Variants in CDYL observed in about 807,000 individuals in gnomAD.
CDYL encodes chromodomain Y like.
A neutral mutation model predicts 47.3 loss-of-function variants in CDYL; 8 were observed. The ratio of observed to expected loss-of-function variants is 0.17; its 90% CI spans 0.10 to 0.31. The LOEUF (loss-of-function observed/expected upper bound fraction) is 0.31, where lower values mean the gene tolerates loss of function less well. CDYL is among the 10% of genes least tolerant of loss of function. The probability of loss-of-function intolerance (pLI) is 1.00; values close to 1 mark genes in which losing one functional copy is unlikely to be tolerated. For missense variants in CDYL, 471 were observed against 701.4 expected (o/e 0.67, Z 3.71); for synonymous variants, 266 against 265.0 (o/e 1.00, Z -0.04).
chr6:4,881,200 A>T (rs1339271274), intron 1 of CDYL, among the ~76,000 whole-genome samples: 4 of 150,924 alleles, frequency 2.7e-5, no homozygotes, highest in Non-Finnish European at 4.4e-5. Flanking sequence ...CTAGTGTTTT[A>T]TTTTTTTCTA....
At chr6:4,911,590 A>AT (rs1321844637) in intron 2 of CDYL, among the ~76,000 whole-genome samples, 1 of 152,152 alleles carries the variant, frequency 6.6e-6, no homozygotes, top group Non-Finnish European at 1.5e-5. Flanking sequence ...CACTTTTGGT[A>AT]TTGGTTCTAG....
At chr6:4,935,799 G>A (rs1394810289) in intron 3 of CDYL, 28 bp downstream of exon 3, 2 of 1,610,004 alleles carry the variant, frequency 1.2e-6, no homozygotes, top group Middle Eastern at 1.7e-4. Context: ...GCTGGCGTGG[G>A]CTTCGCGCTT....
At chr6:4,849,900 A>T (rs182663139) in intron 1 of CDYL, among the ~76,000 whole-genome samples, 1 of 135,278 alleles carries the variant, frequency 7.4e-6, no homozygotes, top group East Asian at 2.6e-4. Flanking sequence ...TCAGGAGAAA[A>T]CAGGAGGCAG....
At chr6:4,900,773 A>ATGTGTG (rs1757004282) in intron 2 of CDYL, among the ~76,000 whole-genome samples, 1 of 10,586 alleles carries the variant, frequency 9.4e-5, no homozygotes, top group Non-Finnish European at 4.7e-4. Context: ...AATTCCGTAT[A>ATGTGTG]CGTGTGTATA....
chr6:4,718,223 AT>A (rs1207171039), intron 2 of CDYL, among the ~76,000 whole-genome samples: 1 of 151,994 alleles, frequency 6.6e-6, no homozygotes, highest in Non-Finnish European at 1.5e-5. Flanking sequence ...TTATTATTTC[AT>A]TTTTTCTCAT....
At chr6:4,734,649 G>GTGAGGGA in intron 2 of CDYL, 2 of 1,361,810 alleles carry the variant, frequency 1.5e-6, no homozygotes, top group Non-Finnish European at 1.9e-6. Context: ...TCCTAATTCA[G>GTGAGGGA]GAAGGGGAGG....
chr6:4,888,791 A>G (rs1030330799), intron 1 of CDYL, among the ~76,000 whole-genome samples: 2 of 152,158 alleles, frequency 1.3e-5, no homozygotes, highest in African/African-American at 4.8e-5. Flanking sequence ...GCTGTATTCC[A>G]TAAGTTTTGG....
chr6:4,901,895 T>C (rs1757066199), intron 2 of CDYL, among the ~76,000 whole-genome samples: 1 of 152,054 alleles, frequency 6.6e-6, no homozygotes, highest in Non-Finnish European at 1.5e-5. Context: ...CAGCCTCCAC[T>C]TTTTCAGTCA....
chr6:4,852,831 C>G (rs558414587), intron 1 of CDYL, among the ~76,000 whole-genome samples: 1 of 147,292 alleles, frequency 6.8e-6, no homozygotes, highest in East Asian at 1.9e-4. Context: ...CAAGGTCTGT[C>G]TCTGTCACCC....
intron 1 of CDYL, among the ~76,000 whole-genome samples, chr6:4,852,980 A>T (rs1398586774): frequency 1.3e-5 from 2 of 151,998 alleles, no homozygotes; most frequent in African/African-American, 4.8e-5. Flanking sequence ...TGTAGAGAAG[A>T]AGTCTTGCTT....
chr6:4,776,828 C>T, intron 1 of CDYL, 21 bp downstream of exon 1: 1 of 965,952 alleles, frequency 1.0e-6, no homozygotes, highest in Non-Finnish European at 1.2e-6. Context: ...TCCCCCCGGC[C>T]TCGGGCCGCC....
intron 2 of CDYL, among the ~76,000 whole-genome samples, chr6:4,920,995 C>CTGTGTG (rs112009340): frequency 0.083 from 12,524 of 150,720 alleles, 561 homozygotes; most frequent in African/African-American, 0.12. Flanking sequence ...CATGATACAT[C>CTGTGTG]TGTGTGTGTG....
intron 2 of CDYL, among the ~76,000 whole-genome samples, chr6:4,909,317 C>T (rs992569541): frequency 2.6e-5 from 4 of 152,294 alleles, no homozygotes; most frequent in South Asian, 2.1e-4. Flanking sequence ...TTCCGGCGTC[C>T]GTAAGTGCTA....
intron 1 of CDYL, among the ~76,000 whole-genome samples, chr6:4,886,748 T>C (rs1421916275): frequency 1.3e-5 from 2 of 152,218 alleles, no homozygotes; most frequent in African/African-American, 4.8e-5. Flanking sequence ...TCGTTGCCAT[T>C]GCTTCTGGTG....
chr6:4,788,480 C>CAA (rs1220969716), intron 1 of CDYL, among the ~76,000 whole-genome samples: 5,045 of 59,610 alleles, frequency 0.085, 471 homozygotes, highest in South Asian at 0.18. Context: ...GAGACTCTGT[C>CAA]AAAAAAAAAA....
intron 2 of CDYL, among the ~76,000 whole-genome samples, chr6:4,719,286 A>G (rs1400951335): frequency 1.3e-5 from 2 of 152,198 alleles, no homozygotes; most frequent in African/African-American, 4.8e-5. Context: ...ACTCTTGTGC[A>G]TGTATCTGGG....
chr6:4,855,445 C>A (rs1028030477), intron 1 of CDYL, among the ~76,000 whole-genome samples: 1 of 152,138 alleles, frequency 6.6e-6, no homozygotes, highest in African/African-American at 2.4e-5. Context: ...TGCATGCCAC[C>A]ACCCAGCTAA....
chr6:4,937,365 A>G (rs1758227624), intron 3 of CDYL, among the ~76,000 whole-genome samples, 200 bp from the exon 4 acceptor site: 2 of 152,096 alleles, frequency 1.3e-5, no homozygotes. Flanking sequence ...GCATGATAGC[A>G]CAAGCCTGTA....
intron 2 of CDYL, among the ~76,000 whole-genome samples, chr6:4,903,685 T>G (rs948339775): frequency 1.2e-4 from 19 of 152,210 alleles, no homozygotes; most frequent in Admixed American, 7.2e-4. Context: ...CCGCTTTGTG[T>G]GCTCGGCCCC....
Sources: allele counts gnomAD v4.1 joint callset (sites outside exome capture counted in the v4.1 genomes callset), GRCh38; gene constraint gnomAD v4.1.1; transcripts MANE v1.5; gene names NCBI Gene and HGNC (gene_info 2026-07-23, HGNC 2026-07-21).